Variants in TDRD5 observed in about 807,000 individuals in gnomAD.
TDRD5 encodes tudor domain-containing protein 5.
Under a neutral mutation model 120.6 loss-of-function variants are expected in TDRD5, and 41 were observed. The ratio of observed to expected loss-of-function variants is 0.34; its 90% CI spans 0.26 to 0.44. The LOEUF (loss-of-function observed/expected upper bound fraction) is 0.44, where lower values mean the gene tolerates loss of function less well. Ranked by LOEUF, TDRD5 falls within the 20% of genes least tolerant of loss-of-function variation. The pLI is 1.00. For synonymous variants in TDRD5, 430 were observed against 433.7 expected, an observed-to-expected ratio of 0.99 and a Z score of 0.11; for missense variants, 1,006 against 1,221.2, an observed-to-expected ratio of 0.82 and a Z score of 2.63.
intron 4 of TDRD5, among the ~76,000 whole-genome samples, chr1:179,614,726 T>C (rs534570570): frequency 3.3e-5 from 5 of 152,180 alleles, no homozygotes; most frequent in South Asian, 4.2e-4. Flanking sequence ...TGTATTATCC[T>C]TTTGTGACAC....
chr1:179,642,328 G>C (rs1678098402), intron 11 of TDRD5, among the ~76,000 whole-genome samples: 1 of 151,884 alleles, frequency 6.6e-6, no homozygotes, highest in African/African-American at 2.4e-5. Flanking sequence ...TCTATCTCTT[G>C]GCCTCAAGTG....
At chr1:179,635,521 G>A in intron 8 of TDRD5, 146 bp from the exon 9 acceptor site, 1 of 763,734 alleles carries the variant, frequency 1.3e-6, no homozygotes, top group South Asian at 2.0e-5. Context: ...GAATCAGTAA[G>A]TCTGGGCTAG....
intron 16 of TDRD5, among the ~76,000 whole-genome samples, chr1:179,666,877 T>A (rs1679583219): frequency 6.6e-6 from 1 of 152,242 alleles, no homozygotes; most frequent in South Asian, 2.1e-4. Context: ...TTTGGGGCAT[T>A]TGTTCATGTT....
At position 179,639,969 on chromosome 1, in the gene TDRD5, C is replaced by T. The variant is rs753770955; in HGVS notation, c.1651C>T (p.Leu551Phe). 1 of 1,614,082 alleles carries T rather than the reference C, an allele frequency of 6.2e-7. No individual in the cohort carries two copies. Among genetic ancestry groups the T allele is most frequent in the South Asian group, 1.1e-5 (1 of 91,076 alleles). Reference sequence around the variant, plus strand: ...GTATCGGGTCATTATCCATCGAGTCCTTGAGAAACAGGAAGTTGAAGTGTT... The same window carrying T: ...GTATCGGGTCATTATCCATCGAGTCTTTGAGAAACAGGAAGTTGAAGTGTT... ...WWYRVIIHRV[L>F]EKQEVEVFYP... Residue 551 changes from leucine (L) to phenylalanine (F), a missense_variant, in exon 10 of 18, where the codon CTT becomes TTT. Leu to Phe is a conservative substitution (Grantham distance 22, BLOSUM62 0). Around this residue, in one of 3 missense-constraint regions of TDRD5, gnomAD observed 158 missense variants for 257.5 expected, o/e 0.61. Coordinates refer to ENST00000444136, the MANE Select transcript of TDRD5 (RefSeq NM_001199085.3).
At position 179,634,531 on chromosome 1, in the gene TDRD5, G is replaced by A; in HGVS notation, c.1201G>A (p.Val401Ile). The A allele has an allele frequency of 6.2e-7, 1 of 1,613,884 alleles. No homozygotes were observed. The highest frequency in any genetic ancestry group is 1.1e-5 in the South Asian group (1 of 90,994). The change falls in exon 8 of 18, where the codon GTC becomes ATC. Residue 401 changes from valine to isoleucine, a missense_variant. Physicochemically the swap from Val to Ile is conservative, Grantham distance 29. Around this residue, in one of 3 missense-constraint regions of TDRD5, gnomAD observed 445 missense variants for 515.5 expected, o/e 0.86. Coordinates refer to ENST00000444136, the MANE Select transcript of TDRD5 (RefSeq NM_001199085.3). ...PPRNSLSTAA[V>I]KETVWNCPSK... ...TAGAAATTCATTGTCTACTGCTGCTGTCAAAGAGACTGTATGGAATTGCCC... is the reference window on the plus strand; with the variant it reads ...TAGAAATTCATTGTCTACTGCTGCTATCAAAGAGACTGTATGGAATTGCCC...
chr1:179,639,096 G>A (rs746318063), intron 9 of TDRD5, among the ~76,000 whole-genome samples: 2 of 152,242 alleles, frequency 1.3e-5, no homozygotes, highest in African/African-American at 2.4e-5. Flanking sequence ...TTGATCAGTA[G>A]TGTGGTATAA....
chr1:179,623,132 A>G (rs1676926076), intron 6 of TDRD5, among the ~76,000 whole-genome samples: 1 of 152,206 alleles, frequency 6.6e-6, no homozygotes, highest in South Asian at 2.1e-4. Context: ...AATATTTTAT[A>G]TCCAGTGATA....
intron 17 of TDRD5, among the ~76,000 whole-genome samples, chr1:179,683,896 A>G (rs947917906): frequency 1.3e-5 from 2 of 152,164 alleles, no homozygotes; most frequent in African/African-American, 4.8e-5. Flanking sequence ...GTAGGCAGGT[A>G]ATAAGCGGTT....
At chr1:179,611,019 G>A (rs927518651) in intron 4 of TDRD5, among the ~76,000 whole-genome samples, 1 of 150,570 alleles carries the variant, frequency 6.6e-6, no homozygotes, top group African/African-American at 2.4e-5. Context: ...TTAGAGTTTG[G>A]CACATTTCTC....
At chr1:179,651,762 A>T (rs556709682) in intron 12 of TDRD5, among the ~76,000 whole-genome samples, 4 of 151,986 alleles carry the variant, frequency 2.6e-5, no homozygotes, top group African/African-American at 9.6e-5. Flanking sequence ...AAATACAAAA[A>T]ATTAGTCAGG....
At chr1:179,597,172 T>C (rs1675437273) in intron 4 of TDRD5, among the ~76,000 whole-genome samples, 1 of 152,210 alleles carries the variant, frequency 6.6e-6, no homozygotes, top group Non-Finnish European at 1.5e-5. Flanking sequence ...TGGAAAAATT[T>C]ACATATTCTA....
Position 179,662,294 on chromosome 1 carries a change from C to A in TDRD5, c.2505+8C>A, listed in dbSNP as rs1459256376. The A allele has an allele frequency of 4.4e-6, 7 of 1,598,882 alleles. No individual in the cohort carries two copies. The highest frequency in any genetic ancestry group is 1.8e-5 in the Admixed American group (1 of 55,786). ...AAAGAAATGCCACAGAAGGTTAGAT[C>A]CTTGGAAAAATAGAAAGCAAATCAG... On this transcript the variant is annotated splice_region_variant and intron_variant, in intron 15 of 17. Coordinates refer to ENST00000444136, the MANE Select transcript of TDRD5 (RefSeq NM_001199085.3).
rs750024486 is a variant in TDRD5 at position 179,592,639 on chromosome 1, G to A, written c.24G>A (p.Gln8=). The change falls in exon 2 of 18, where the codon CAG becomes CAA. Residue 8 remains glutamine (Q), a synonymous_variant. Coordinates refer to ENST00000444136, the MANE Select transcript of TDRD5 (RefSeq NM_001199085.3). ...CAATGTCTGAACAAGAGCGTATACA[G>A]GAATGTCTGCGGAAGGAAATAAGGT... MSEQERI[Q]ECLRKEIRSL... is the part of the protein sequence containing the mutation. 6.2e-7 allele frequency: 1 copy of A among 1,614,002 alleles called. No homozygotes were observed. The highest frequency in any genetic ancestry group is 1.3e-5 in the African/African-American group (1 of 74,976).
At chr1:179,604,352 A>AT (rs935706360) in intron 4 of TDRD5, among the ~76,000 whole-genome samples, 3 of 151,142 alleles carry the variant, frequency 2.0e-5, no homozygotes, top group Admixed American at 6.6e-5. Flanking sequence ...TATCTTTTGT[A>AT]TTTTTTTGTT....
chr1:179,593,921 T>C, intron 3 of TDRD5, 54 bp downstream of exon 3: 2 of 1,564,528 alleles, frequency 1.3e-6, no homozygotes, highest in Admixed American at 3.7e-5. Context: ...GGGTGTGTAA[T>C]CACTAAGGTC....
intron 4 of TDRD5, among the ~76,000 whole-genome samples, chr1:179,596,577 A>G (rs577682220): frequency 8.7e-4 from 133 of 152,324 alleles, no homozygotes; most frequent in African/African-American, 3.0e-3. Context: ...ACAATATCTA[A>G]TCTTTTGTGT....
chr1:179,618,577 C>CT (rs752949607), intron 4 of TDRD5, 22 bp from the exon 5 acceptor site: 504 of 1,540,774 alleles, frequency 3.3e-4, no homozygotes, highest in South Asian at 8.8e-4. Flanking sequence ...TGTGACTTGA[C>CT]TTTTTTTTTC....
chr1:179,654,126 A>G (rs1678865250), intron 13 of TDRD5, 75 bp from the exon 14 acceptor site: 5 of 1,286,758 alleles, frequency 3.9e-6, no homozygotes, highest in Non-Finnish European at 5.2e-6. Flanking sequence ...ACTTCCCCCC[A>G]AAATGTATAG....
intron 4 of TDRD5, among the ~76,000 whole-genome samples, chr1:179,617,395 C>T (rs1676618940): frequency 6.6e-6 from 1 of 152,126 alleles, no homozygotes; most frequent in South Asian, 2.1e-4. Context: ...CTTCGTGCCT[C>T]ATCACATTTA....
Sources: allele counts gnomAD v4.1 joint callset (sites outside exome capture counted in the v4.1 genomes callset), GRCh38; gene constraint gnomAD v4.1.1; regional missense constraint gnomAD v4.1.1; transcripts MANE v1.5; gene names NCBI Gene and HGNC (gene_info 2026-07-23, HGNC 2026-07-21).